The following PRKACB variants were observed in gnomAD, a reference collection of about 807,000 sequenced individuals.
PRKACB encodes the protein cAMP-dependent protein kinase catalytic subunit beta.
Under a neutral mutation model 51.4 loss-of-function variants are expected in PRKACB, and 16 were observed. The observed-to-expected ratio is 0.31, with a 90% CI of 0.21 to 0.47. PRKACB has a LOEUF of 0.47. Among genes scored for constraint, PRKACB ranks in the 20% least tolerant of loss-of-function variants. PRKACB has a pLI of 1.00. For synonymous variants in PRKACB, 147 were observed against 154.4 expected (o/e 0.95, Z 0.35); for missense variants, 309 against 464.5 (o/e 0.67, Z 3.08).
At chr1:84,195,780 G>A (rs1668057006) in intron 5 of PRKACB, among the ~76,000 whole-genome samples, 1 of 152,014 alleles carries the variant, frequency 6.6e-6, no homozygotes, top group Non-Finnish European at 1.5e-5. Flanking sequence ...GGGCATGGTG[G>A]TGGGCGCTTG....
chr1:84,115,364 T>C (rs187940978), intron 1 of PRKACB, among the ~76,000 whole-genome samples: 39 of 152,286 alleles, frequency 2.6e-4, no homozygotes, highest in African/African-American at 9.4e-4. Context: ...ACCTGCTTTT[T>C]AATGGGATTA....
At chr1:84,097,369 G>GCA (rs1451523398) in intron 1 of PRKACB, among the ~76,000 whole-genome samples, 34 of 151,912 alleles carry the variant, frequency 2.2e-4, no homozygotes, top group Admixed American at 1.2e-3. Context: ...ATACCAATTT[G>GCA]CACTCACAGT....
chr1:84,140,054 C>T (rs1323361694), upstream of PRKACB, among the ~76,000 whole-genome samples: 4 of 151,266 alleles, frequency 2.6e-5, no homozygotes, highest in South Asian at 2.1e-4. Flanking sequence ...ACTGAGACTC[C>T]GTCTCAAGAA....
chr1:84,102,293 A>G (rs1022117300), intron 1 of PRKACB, among the ~76,000 whole-genome samples: 1 of 152,096 alleles, frequency 6.6e-6, no homozygotes, highest in Non-Finnish European at 1.5e-5. Context: ...AGGCTAAGGT[A>G]GGAGAATCGC....
chr1:84,096,658 T>C (rs2812454), intron 1 of PRKACB, among the ~76,000 whole-genome samples: 147,901 of 152,212 alleles, frequency 0.97, 71,984 homozygotes, highest in East Asian at 1. Context: ...TTACCCCATT[T>C]CTACCAATAT....
At chr1:84,126,695 C>T (rs1210141223) in intron 1 of PRKACB, among the ~76,000 whole-genome samples, 1 of 152,126 alleles carries the variant, frequency 6.6e-6, no homozygotes, top group Non-Finnish European at 1.5e-5. Flanking sequence ...CAGTATTTCC[C>T]CGCCTCCTGT....
chr1:84,227,698 G>C (rs1190265810), intron 9 of PRKACB, among the ~76,000 whole-genome samples: 1 of 142,290 alleles, frequency 7.0e-6, no homozygotes, highest in East Asian at 2.1e-4. Context: ...ACAGATTGTA[G>C]TAATGGACAA....
chr1:84,231,333 T>C lies in PRKACB; in HGVS notation c.1072-3847T>C, dbSNP rs557208249. Among the ~76,000 whole-genome samples the C allele has an allele frequency of 8.5e-5, 13 of 152,332 alleles. No individual in the cohort carries two copies. In the East Asian group the frequency reaches 2.5e-3, roughly 29 times the overall value. On this transcript the variant is annotated intron_variant, in intron 9 of 9. Coordinates refer to ENST00000370685, the MANE Select transcript of PRKACB (RefSeq NM_182948.4). ...CTGGATTTGGTTTGCCAGTATTTTA[T>C]TGAGGATTTTTGCATCAATGTTCAT...
At chr1:84,211,906 C>G (rs1038401933) in intron 8 of PRKACB, among the ~76,000 whole-genome samples, 30 of 152,064 alleles carry the variant, frequency 2.0e-4, no homozygotes, top group African/African-American at 6.5e-4. Context: ...TATTTTAGAA[C>G]ATAAAACTGC....
At chr1:84,193,271 C>T (rs911123518) in intron 5 of PRKACB, among the ~76,000 whole-genome samples, 22 of 152,064 alleles carry the variant, frequency 1.4e-4, no homozygotes, top group Admixed American at 1.1e-3. Flanking sequence ...CCAGAAGCAG[C>T]GGGACTGAAA....
intron 1 of PRKACB, among the ~76,000 whole-genome samples, chr1:84,088,183 C>T (rs1260331827): frequency 1.3e-5 from 2 of 152,076 alleles, no homozygotes; most frequent in African/African-American, 4.8e-5. Flanking sequence ...TTTTATCTGG[C>T]CTGATGTAAC....
intron 1 of PRKACB, among the ~76,000 whole-genome samples, chr1:84,165,806 A>G (rs946845566): frequency 6.6e-5 from 10 of 151,822 alleles, no homozygotes; most frequent in Non-Finnish European, 1.3e-4. Flanking sequence ...TGCTTAGAGC[A>G]TAATTCATTA....
At chr1:84,220,885 T>C (rs1673601262) in intron 9 of PRKACB, among the ~76,000 whole-genome samples, 1 of 152,168 alleles carries the variant, frequency 6.6e-6, no homozygotes, top group South Asian at 2.1e-4. Context: ...TTCTCAGAGA[T>C]GTTGGTCTGT....
intron 5 of PRKACB, among the ~76,000 whole-genome samples, chr1:84,191,827 A>G (rs893659212): frequency 1.3e-5 from 2 of 152,106 alleles, no homozygotes; most frequent in Non-Finnish European, 1.5e-5. Flanking sequence ...CTCTGAATCT[A>G]AAATATAAAT....
intron 9 of PRKACB, among the ~76,000 whole-genome samples, chr1:84,225,006 G>A (rs528798355): frequency 6.6e-6 from 1 of 152,238 alleles, no homozygotes; most frequent in Non-Finnish European, 1.5e-5. Context: ...TTGATCATAT[G>A]TATGTGTACC....
chr1:84,089,514 T>C (rs148875645), intron 1 of PRKACB, among the ~76,000 whole-genome samples: 2 of 152,290 alleles, frequency 1.3e-5, no homozygotes, highest in East Asian at 3.9e-4. Context: ...CCACTGTGTT[T>C]CTCATCCTTG....
chr1:84,218,609 A>G (rs1293849142), intron 9 of PRKACB, among the ~76,000 whole-genome samples: 1 of 152,214 alleles, frequency 6.6e-6, no homozygotes, highest in Non-Finnish European at 1.5e-5. Flanking sequence ...TAGTGCTGCA[A>G]TAAACATGAG....
intron 2 of PRKACB, among the ~76,000 whole-genome samples, chr1:84,180,208 A>ATATATATATATATATATATATG (rs933229907): frequency 2.3e-5 from 3 of 129,942 alleles, no homozygotes; most frequent in Non-Finnish European, 3.4e-5. Flanking sequence ...ATATATATAT[A>ATATATATATATATATATATATG]TGTATGATGG....
intron 1 of PRKACB, among the ~76,000 whole-genome samples, chr1:84,124,883 A>G (rs984731806): frequency 2.0e-5 from 3 of 152,188 alleles, no homozygotes; most frequent in African/African-American, 7.2e-5. Context: ...CTAAGTGTTA[A>G]AGGGAGACAG....
Sources: allele counts gnomAD v4.1 joint callset (sites outside exome capture counted in the v4.1 genomes callset), GRCh38; gene constraint gnomAD v4.1.1; transcripts MANE v1.5; gene names NCBI Gene and HGNC (gene_info 2026-07-23, HGNC 2026-07-21).